The following GPC6 variants were observed in gnomAD, a reference collection of about 807,000 sequenced individuals.
The protein encoded by GPC6 is glypican-6.
A neutral mutation model predicts 55.2 loss-of-function variants in GPC6; 14 were observed. The observed-to-expected ratio is 0.25, with a 90% confidence interval of 0.17 to 0.40. The LOEUF (loss-of-function observed/expected upper bound fraction) is 0.40. Among genes scored for constraint, GPC6 ranks in the 10% least tolerant of loss-of-function variants. The pLI is 1.00. For missense variants in GPC6, 641 were observed against 708.5 expected (o/e 0.90, Z 1.08); for synonymous variants, 278 against 259.6 (o/e 1.07, Z -0.68).
intron 4 of GPC6, among the ~76,000 whole-genome samples, chr13:94,272,554 C>CA (rs1353585101): frequency 2.7e-5 from 4 of 149,352 alleles, no homozygotes; most frequent in African/African-American, 9.9e-5. Flanking sequence ...CTGCAAGCTC[C>CA]GCCTCCCAGG....
chr13:93,269,323 T>C (rs776658020), intron 1 of GPC6, among the ~76,000 whole-genome samples: 2 of 152,186 alleles, frequency 1.3e-5, no homozygotes, highest in Non-Finnish European at 2.9e-5. Context: ...GACAGATGTA[T>C]AAAGCCTATA....
chr13:93,542,051 G>A (rs74969768), intron 1 of GPC6, among the ~76,000 whole-genome samples: 8,780 of 152,030 alleles, frequency 0.058, 824 homozygotes, highest in African/African-American at 0.2. Context: ...GTCAATTTTG[G>A]CTTTTGTTGC....
At chr13:94,379,485 T>G (rs1175049967) in intron 6 of GPC6, among the ~76,000 whole-genome samples, 5 of 152,142 alleles carry the variant, frequency 3.3e-5, no homozygotes, top group African/African-American at 4.8e-5. Flanking sequence ...CACATCCCCA[T>G]CATCGCGACG....
chr13:93,691,390 C>CTA (rs1238333407), intron 2 of GPC6, among the ~76,000 whole-genome samples: 8 of 146,362 alleles, frequency 5.5e-5, no homozygotes, highest in Admixed American at 5.4e-4. Context: ...TTGCTTATTC[C>CTA]TATATATTTT....
chr13:93,682,240 A>G (rs564250970), intron 2 of GPC6, among the ~76,000 whole-genome samples: 13 of 152,268 alleles, frequency 8.5e-5, no homozygotes, highest in African/African-American at 2.9e-4. Context: ...GAGCAACGCA[A>G]CGTCTCTAGG....
rs113014665 is a variant in GPC6 at position 94,219,772 on chromosome 13, T to G, written c.878-66577T>G. ...AAGGCAAGAGAAAGGAATGATGGCT[T>G]GGCAGGATCTGATTGGAAGACTTTA... On this transcript the variant is annotated intron_variant, in intron 4 of 8. Coordinates refer to ENST00000377047, the MANE Select transcript of GPC6 (RefSeq NM_005708.5). Among the ~76,000 whole-genome samples, 12 of 152,256 alleles carry G rather than the reference T, an allele frequency of 7.9e-5. 1 individual carries two copies. Among genetic ancestry groups the G allele is most frequent in the African/African-American group, 2.6e-4 (11 of 41,550 alleles).
At chr13:93,776,843 A>T (rs146013438) in intron 2 of GPC6, among the ~76,000 whole-genome samples, 1 of 152,284 alleles carries the variant, frequency 6.6e-6, no homozygotes, top group African/African-American at 2.4e-5. Context: ...ACTGGTTTGC[A>T]GGCTTACAGA....
intron 4 of GPC6, among the ~76,000 whole-genome samples, chr13:94,180,152 T>C (rs1888937987): frequency 6.6e-6 from 1 of 152,078 alleles, no homozygotes; most frequent in Non-Finnish European, 1.5e-5. Flanking sequence ...TGCAGAGGCC[T>C]CATTGAAAAG....
intron 2 of GPC6, among the ~76,000 whole-genome samples, chr13:93,560,706 T>A (rs967619069): frequency 1.0e-4 from 15 of 149,724 alleles, no homozygotes; most frequent in African/African-American, 3.2e-4. Context: ...ATACAAAAAA[T>A]TATGAGCCGA....
chr13:93,645,628 C>T (rs984314039), intron 2 of GPC6, among the ~76,000 whole-genome samples: 2 of 152,094 alleles, frequency 1.3e-5, no homozygotes, highest in Admixed American at 6.6e-5. Flanking sequence ...GAAGTCCTCA[C>T]GTTTTGTCGA....
At chr13:94,089,093 G>A (rs1039368920) in intron 4 of GPC6, among the ~76,000 whole-genome samples, 4 of 152,166 alleles carry the variant, frequency 2.6e-5, no homozygotes, top group Non-Finnish European at 5.9e-5. Flanking sequence ...GATTCTCTGA[G>A]AAATTCCTCC....
chr13:93,958,535 A>G (rs1458341132), intron 3 of GPC6, among the ~76,000 whole-genome samples: 4 of 152,038 alleles, frequency 2.6e-5, no homozygotes, highest in African/African-American at 7.2e-5. Flanking sequence ...TGAGTTTTCT[A>G]TTCTGTTCCA....
At chr13:93,345,580 A>T (rs1566309717) in intron 1 of GPC6, among the ~76,000 whole-genome samples, 1 of 152,190 alleles carries the variant, frequency 6.6e-6, no homozygotes, top group Non-Finnish European at 1.5e-5. Context: ...ATATTTTGTA[A>T]TGTATTTGCA....
chr13:94,051,162 A>G (rs2138753484), intron 4 of GPC6, among the ~76,000 whole-genome samples: 1 of 152,276 alleles, frequency 6.6e-6, no homozygotes, highest in African/African-American at 2.4e-5. Flanking sequence ...TGCCTTAATA[A>G]TTAGAAAGTC....
chr13:93,930,281 T>C lies in GPC6; in HGVS notation c.712-97448T>C, dbSNP rs563506554. Among the ~76,000 whole-genome samples the C allele has an allele frequency of 1.7e-4, 25 of 143,552 alleles. 1 individual carries two copies. Among genetic ancestry groups the C allele is most frequent in the Non-Finnish European group, 3.6e-4 (24 of 66,388 alleles). The allele number at this position is 143,552 out of a possible 152,430, so 94.2% of individuals were successfully genotyped here. A position where few individuals can be genotyped will look rare whatever the true frequency, so the allele number is the denominator to read the frequency against. ...AGGTTATTGGAAACGAAAGGTTTTT[T>C]TTTTTTTGTAGACAGAGTCTCACTC... On this transcript the variant is annotated intron_variant, in intron 3 of 8. Coordinates refer to ENST00000377047, the MANE Select transcript of GPC6 (RefSeq NM_005708.5).
At chr13:94,087,873 T>C (rs1885345145) in intron 4 of GPC6, among the ~76,000 whole-genome samples, 1 of 152,230 alleles carries the variant, frequency 6.6e-6, no homozygotes, top group South Asian at 2.1e-4. Context: ...TAAGATCTTT[T>C]GTATCCTTTG....
At chr13:93,504,587 G>T (rs746556339) in intron 1 of GPC6, among the ~76,000 whole-genome samples, 6 of 138,244 alleles carry the variant, frequency 4.3e-5, no homozygotes, top group Non-Finnish European at 9.1e-5. Flanking sequence ...CCCATATTTT[G>T]TTGCAGTAAA....
At chr13:93,685,215 A>C (rs1215479419) in intron 2 of GPC6, among the ~76,000 whole-genome samples, 1 of 152,212 alleles carries the variant, frequency 6.6e-6, no homozygotes, top group African/African-American at 2.4e-5. Context: ...CTCAAGGCAG[A>C]CCAGTGCCTG....
chr13:93,295,290 C>CAAAAAAAAAAAAAAAAAAAAAA (rs67379652), intron 1 of GPC6, among the ~76,000 whole-genome samples: 3 of 66,686 alleles, frequency 4.5e-5, no homozygotes, highest in African/African-American at 1.5e-4. Context: ...GACCCTGTCT[C>CAAAAAAAAAAAAAAAAAAAAAA]AAAAAAAAAA....
Sources: gnomAD v4.1 joint callset for allele counts (sites outside exome capture counted in the v4.1 genomes callset) on GRCh38, gnomAD v4.1.1 for gene constraint, MANE v1.5 for transcripts, NCBI Gene and HGNC (gene_info 2026-07-23, HGNC 2026-07-21) for gene names.